Variants in DSG1 observed in about 807,000 individuals in gnomAD.
The protein encoded by DSG1 is desmoglein 1, also known as desmoglein-1.
In DSG1, 39 loss-of-function variants were observed where a neutral mutation model predicts 97.5. The ratio of observed to expected loss-of-function variants is 0.40; its 90% CI spans 0.31 to 0.52. The LOEUF is 0.52. Among genes scored for constraint, DSG1 ranks in the 20% least tolerant of loss-of-function variants. DSG1 has a pLI of 0.53. For missense variants in DSG1, 1,311 were observed against 1,295.4 expected (o/e 1.01, Z -0.18); for synonymous variants, 475 against 443.4 (o/e 1.07, Z -0.90).
At chr18:31,325,283 T>C (rs1035391922) in intron 1 of DSG1, among the ~76,000 whole-genome samples, 1 of 152,198 alleles carries the variant, frequency 6.6e-6, no homozygotes, top group Non-Finnish European at 1.5e-5. Flanking sequence ...CTGGAAAGAT[T>C]TCTTAGTCAT....
At chr18:31,352,657 C>A (rs2144123009) in intron 14 of DSG1, among the ~76,000 whole-genome samples, 1 of 148,232 alleles carries the variant, frequency 6.7e-6, no homozygotes, top group East Asian at 2.0e-4. Flanking sequence ...TTCTTGGAGG[C>A]TTTGCTCATT....
At position 31,336,504 on chromosome 18, in the gene DSG1, C is replaced by G. The variant is rs200495041; in HGVS notation, c.1156C>G (p.Arg386Gly). 7 of 1,613,882 alleles carry G rather than the reference C, an allele frequency of 4.3e-6. No homozygotes were observed. The highest frequency in any genetic ancestry group is 5.1e-6 in the Non-Finnish European group (6 of 1,179,946). ...AAATGTAATTGAAGGCCCAGTGTTT[C>G]GTCCAGGTTCAAAGACATATGTTGT... ...VLNVIEGPVF[R>G]PGSKTYVVTG... The change falls in exon 9 of 15, where the codon CGT becomes GGT. Residue 386 changes from arginine to glycine, a missense_variant. Arg to Gly is a moderately radical substitution (Grantham distance 125, BLOSUM62 -2). Around this residue, in one of 3 missense-constraint regions of DSG1, gnomAD observed 1,038 missense variants for 964.6 expected, o/e 1.08. Coordinates refer to ENST00000257192, the MANE Select transcript of DSG1 (RefSeq NM_001942.4).
chr18:31,320,007 T>C (rs2071643798), intron 1 of DSG1, among the ~76,000 whole-genome samples: 1 of 152,114 alleles, frequency 6.6e-6, no homozygotes. Context: ...GAAAATTTTT[T>C]CTCAAAGAAC....
Position 31,318,323 on chromosome 18 carries a change from T to C in DSG1, c.23T>C (p.Val8Ala). 6.2e-7 allele frequency: 1 copy of C among 1,613,530 alleles called. No individual in the cohort carries two copies. Among genetic ancestry groups the C allele is most frequent in the Non-Finnish European group, 8.5e-7 (1 of 1,179,488 alleles). ...GAGATGGACTGGAGTTTCTTCAGAG[T>C]AGTTGCAATGCTGTTCATTTTTCTG... is the stretch of plus-strand genomic sequence containing the variant. MDWSFFR[V>A]VAMLFIFLVV... Residue 8 changes from valine (V) to alanine (A), a missense_variant, in exon 1 of 15, where the codon GTA (valine) becomes GCA (alanine). Physicochemically the swap from Val to Ala is moderately conservative, Grantham distance 64. This residue lies in a region of DSG1 where 259 missense variants were observed against 304.1 expected (regional missense o/e 0.85). Coordinates refer to ENST00000257192, the MANE Select transcript of DSG1 (RefSeq NM_001942.4).
At chr18:31,326,228 G>C (rs1312746862) in intron 1 of DSG1, among the ~76,000 whole-genome samples, 1 of 151,690 alleles carries the variant, frequency 6.6e-6, no homozygotes, top group Non-Finnish European at 1.5e-5. Flanking sequence ...ACTACTGTTA[G>C]TATTTTTAAA....
intron 13 of DSG1, chr18:31,345,346 T>C (rs1038105714): frequency 1.5e-5 from 2 of 129,662 alleles, no homozygotes; most frequent in Non-Finnish European, 3.2e-5. Flanking sequence ...CAAATATTTC[T>C]TTTTTTTTTA....
intron 1 of DSG1, among the ~76,000 whole-genome samples, chr18:31,326,014 T>C (rs976210167): frequency 2.0e-5 from 3 of 152,042 alleles, no homozygotes; most frequent in Non-Finnish European, 4.4e-5. Context: ...TAATTATTAA[T>C]ATTAGATACA....
intron 2 of DSG1, 42 bp downstream of exon 2, chr18:31,326,658 A>G: frequency 6.6e-7 from 1 of 1,517,962 alleles, no homozygotes; most frequent in Non-Finnish European, 9.1e-7. Flanking sequence ...TTTAAACAAG[A>G]AAATAATTTG....
At chr18:31,347,777 T>A (rs1427655068) in intron 14 of DSG1, 3 of 152,134 alleles carry the variant, frequency 2.0e-5, no homozygotes, top group Non-Finnish European at 2.9e-5. Flanking sequence ...GCTGAAAAAG[T>A]CATGTTGCAA....
chr18:31,355,342 A>G lies in DSG1; in HGVS notation c.3146A>G (p.Lys1049Arg). 6.2e-7 allele frequency: 1 copy of G among 1,614,096 alleles called. No individual in the cohort carries two copies. ...ITKYSTVQYS[K>R] ...AAGTATAGTACCGTGCAATATAGCA[A>G]GTAGTCAGGACCCCAGCTCACTTTT... Residue 1049 changes from lysine (K) to arginine (R), a missense_variant, in exon 15 of 15, where the codon AAG becomes AGG. Physicochemically the swap from Lys to Arg is conservative, Grantham distance 26. Transcript: ENST00000257192.
chr18:31,339,564 T>G (rs2071775384), intron 10 of DSG1, among the ~76,000 whole-genome samples, 180 bp from the exon 11 acceptor site: 1 of 151,958 alleles, frequency 6.6e-6, no homozygotes. Context: ...TAAATAATAA[T>G]ATAATAATTT....
intron 1 of DSG1, among the ~76,000 whole-genome samples, chr18:31,322,461 C>A (rs2071660313): frequency 6.6e-6 from 1 of 152,138 alleles, no homozygotes; most frequent in African/African-American, 2.4e-5. Context: ...TATTTTCAGG[C>A]CTTTAAAAGT....
intron 10 of DSG1, among the ~76,000 whole-genome samples, chr18:31,338,995 C>A (rs2144101549): frequency 6.6e-6 from 1 of 152,248 alleles, no homozygotes; most frequent in African/African-American, 2.4e-5. Context: ...TAAAGTCAGA[C>A]AACTGAGCTC....
Position 31,331,878 on chromosome 18 carries a change from T to G in DSG1, c.684+11T>G. ...TTTCTAGACAGAGAGGTAATTCTTT[T>G]TCTTTAAGTGGGTTTTTGGTCTCAA... On this transcript the variant is annotated intron_variant, in intron 6 of 14. Coordinates refer to ENST00000257192, the MANE Select transcript of DSG1 (RefSeq NM_001942.4). 6.2e-7 allele frequency: 1 copy of G among 1,610,378 alleles called. No homozygotes were observed. Among genetic ancestry groups the G allele is most frequent in the Non-Finnish European group, 8.5e-7 (1 of 1,178,030 alleles).
intron 12 of DSG1, 169 bp from the exon 13 acceptor site, chr18:31,343,757 G>C: frequency 8.5e-7 from 1 of 1,178,478 alleles, no homozygotes; most frequent in Non-Finnish European, 1.2e-6. Context: ...AAGTAACCAG[G>C]GAAGATTTTC....
intron 14 of DSG1, among the ~76,000 whole-genome samples, chr18:31,351,096 G>A (rs1303616510): frequency 6.8e-6 from 1 of 148,000 alleles, no homozygotes; most frequent in Admixed American, 6.6e-5. Flanking sequence ...GCTTTCTCTT[G>A]TGGGCATTTA....
chr18:31,358,648 A>T lies in DSG1; in HGVS notation c.*3302A>T, dbSNP rs2035039. Among the ~76,000 whole-genome samples the T allele has an allele frequency of 2.0e-5, 3 of 151,962 alleles. No individual in the cohort carries two copies. The highest frequency in any genetic ancestry group is 4.4e-5 in the Non-Finnish European group (3 of 67,906). Reference sequence around the variant, plus strand: ...TTAACTTTTGCTGGAGTTGAAAGGCATTATAATCTTTAGCATAAATGGCCA... The same window carrying T: ...TTAACTTTTGCTGGAGTTGAAAGGCTTTATAATCTTTAGCATAAATGGCCA... On this transcript the variant is annotated 3_prime_UTR_variant, in exon 15 of 15. Coordinates refer to ENST00000257192, the MANE Select transcript of DSG1 (RefSeq NM_001942.4).
chr18:31,322,116 T>G (rs1404728917), intron 1 of DSG1, among the ~76,000 whole-genome samples: 1 of 152,260 alleles, frequency 6.6e-6, no homozygotes, highest in Non-Finnish European at 1.5e-5. Flanking sequence ...TTTTTCATAC[T>G]CGTCTAATGA....
rs761429902 is a variant in DSG1, at chr18:31,355,246, G to T, written c.3050G>T (p.Ser1017Ile). The T allele has an allele frequency of 6.8e-6, 11 of 1,610,776 alleles. No individual in the cohort carries two copies. Among genetic ancestry groups the T allele is most frequent in the Non-Finnish European group, 8.5e-6 (10 of 1,177,772 alleles). ...ACAGCCAGCATTGGCCACATGAGGA[G>T]TTCCTCTGACCATCACTTTAACCAA... ...GGTASIGHMR[S>I]SSDHHFNQTI... The change falls in exon 15 of 15, where the codon AGT (serine) becomes ATT (isoleucine). Residue 1017 changes from serine (S) to isoleucine (I), a missense_variant. Transcript: ENST00000257192.
Sources: gnomAD v4.1 joint callset for allele counts (sites outside exome capture counted in the v4.1 genomes callset) on GRCh38, gnomAD v4.1.1 for gene constraint, gnomAD v4.1.1 regional missense constraint, MANE v1.5 for transcripts, NCBI Gene and HGNC (gene_info 2026-07-23, HGNC 2026-07-21) for gene names.